ZFAND3: variants seen among roughly 807,000 people sequenced by gnomAD.
The protein encoded by ZFAND3 is AN1-type zinc finger protein 3.
A neutral mutation model predicts 29.6 loss-of-function variants in ZFAND3; 10 were observed. The observed-to-expected ratio is 0.34, with a 90% CI of 0.21 to 0.57. The LOEUF (loss-of-function observed/expected upper bound fraction) is 0.57. Ranked by LOEUF, ZFAND3 falls within the 20% of genes least tolerant of loss-of-function variation. ZFAND3 has a pLI of 0.86. For missense variants in ZFAND3, 230 were observed against 304.5 expected (o/e 0.76, Z 1.82); for synonymous variants, 128 against 112.6 (o/e 1.14, Z -0.87).
intron 1 of ZFAND3, among the ~76,000 whole-genome samples, chr6:37,844,866 T>C (rs1427571150): frequency 2.2e-5 from 3 of 137,510 alleles, no homozygotes; most frequent in Admixed American, 1.4e-4. Flanking sequence ...AAAAAAAAAA[T>C]ACAAAAAATT....
intron 4 of ZFAND3, among the ~76,000 whole-genome samples, chr6:38,102,817 C>T (rs1312264729): frequency 2.0e-5 from 3 of 152,134 alleles, no homozygotes; most frequent in African/African-American, 7.2e-5. Flanking sequence ...AATGCAGTGG[C>T]GCGATCTCGG....
intron 2 of ZFAND3, among the ~76,000 whole-genome samples, chr6:37,988,937 C>T (rs554246114): frequency 1.1e-4 from 17 of 151,664 alleles, no homozygotes; most frequent in Non-Finnish European, 2.5e-4. Flanking sequence ...CAGAGTCTTG[C>T]TCTGTCACCC....
intron 2 of ZFAND3, among the ~76,000 whole-genome samples, chr6:37,937,653 CA>C (rs71542151): frequency 0.059 from 5,023 of 85,294 alleles, 97 homozygotes; most frequent in African/African-American, 0.14. Flanking sequence ...GACTCCGTCT[CA>C]AAAAAAAAAA....
chr6:38,080,433 G>A (rs570184146), intron 3 of ZFAND3, among the ~76,000 whole-genome samples: 1 of 152,196 alleles, frequency 6.6e-6, no homozygotes, highest in Admixed American at 6.5e-5. Flanking sequence ...ATAACAGTGT[G>A]ATTCTTGATC....
intron 1 of ZFAND3, among the ~76,000 whole-genome samples, chr6:37,861,301 G>A (rs983718778): frequency 2.0e-5 from 3 of 152,054 alleles, no homozygotes; most frequent in Non-Finnish European, 2.9e-5. Context: ...TAAACAGTTT[G>A]ATTTCAAAGA....
intron 2 of ZFAND3, among the ~76,000 whole-genome samples, chr6:37,989,229 C>T (rs1762719898): frequency 6.6e-6 from 1 of 152,132 alleles, no homozygotes. Flanking sequence ...TTAAGGTATA[C>T]CAGGTACTAT....
At chr6:38,066,936 G>T (rs1363091835) in intron 3 of ZFAND3, among the ~76,000 whole-genome samples, 1 of 152,212 alleles carries the variant, frequency 6.6e-6, no homozygotes, top group Non-Finnish European at 1.5e-5. Flanking sequence ...CCCAAACTGT[G>T]TGTGTCTGCA....
At chr6:37,971,831 GAA>G (rs5875604) in intron 2 of ZFAND3, among the ~76,000 whole-genome samples, 4,222 of 117,836 alleles carry the variant, frequency 0.036, 283 homozygotes, top group East Asian at 0.31. Context: ...TGTACAAAAT[GAA>G]AAAAAAAAAA....
At chr6:37,921,266 C>A (rs1451018845) in intron 1 of ZFAND3, among the ~76,000 whole-genome samples, 1 of 152,024 alleles carries the variant, frequency 6.6e-6, no homozygotes, top group African/African-American at 2.4e-5. Flanking sequence ...GAAGAAGGAA[C>A]TTTCTTTGTA....
At chr6:38,024,948 A>G (rs992457497) in intron 2 of ZFAND3, among the ~76,000 whole-genome samples, 2 of 152,284 alleles carry the variant, frequency 1.3e-5, no homozygotes, top group East Asian at 3.9e-4. Flanking sequence ...AAAATGGTTT[A>G]TTTTATGTTC....
At chr6:38,023,703 G>A (rs1353175263) in intron 2 of ZFAND3, among the ~76,000 whole-genome samples, 1 of 152,130 alleles carries the variant, frequency 6.6e-6, no homozygotes, top group Non-Finnish European at 1.5e-5. Flanking sequence ...TCTTTTACTT[G>A]TCTGGAAAAA....
At chr6:38,037,096 C>T (rs1429399876) in intron 2 of ZFAND3, among the ~76,000 whole-genome samples, 2 of 152,176 alleles carry the variant, frequency 1.3e-5, no homozygotes, top group African/African-American at 4.8e-5. Flanking sequence ...GTCATATATC[C>T]TGCCAACTCA....
intron 4 of ZFAND3, among the ~76,000 whole-genome samples, chr6:38,105,397 C>G (rs2127479921): frequency 6.6e-6 from 1 of 152,082 alleles, no homozygotes; most frequent in East Asian, 1.9e-4. Context: ...AGAGCAAGAC[C>G]CAGTCTATTA....
chr6:38,124,628 G>A (rs1765598432), intron 5 of ZFAND3, among the ~76,000 whole-genome samples: 1 of 152,208 alleles, frequency 6.6e-6, no homozygotes, highest in Non-Finnish European at 1.5e-5. Context: ...GGCCCGCCAA[G>A]CCCATGCCCA....
At chr6:37,985,462 C>T (rs1762650398) in intron 2 of ZFAND3, among the ~76,000 whole-genome samples, 1 of 151,642 alleles carries the variant, frequency 6.6e-6, no homozygotes, top group Non-Finnish European at 1.5e-5. Flanking sequence ...ACCCTGTCTA[C>T]ACACACACAT....
In ZFAND3 at chr6:37,975,028, A is replaced by G. The variant is rs114668540; in HGVS notation, c.112+45029A>G. ...TGCAAATGAAATGGCTGATCATATC[A>G]TAGGTTGTATGTTTTAACTTTTTAA... On this transcript the variant is annotated intron_variant, in intron 2 of 5. Transcript: ENST00000287218. Among the ~76,000 whole-genome samples the G allele has an allele frequency of 1.9e-3, 294 of 152,342 alleles. 3 individuals are homozygous for G. Among genetic ancestry groups the G allele is most frequent in the African/African-American group, 6.8e-3 (284 of 41,578 alleles).
intron 2 of ZFAND3, among the ~76,000 whole-genome samples, chr6:38,054,758 A>AC (rs1208646852): frequency 1.3e-5 from 2 of 152,324 alleles, no homozygotes; most frequent in African/African-American, 4.8e-5. Context: ...TTTCATAGTA[A>AC]CCAAGTCCAT....
At position 38,139,433 on chromosome 6, in the gene ZFAND3, G is replaced by C. The variant is rs540898534; in HGVS notation, c.530-12802G>C. Among the ~76,000 whole-genome samples, 26 of 152,236 alleles carry C rather than the reference G, an allele frequency of 1.7e-4. No homozygotes were observed. The East Asian group carries it at 5.0e-3, about 29-fold the overall frequency. ...ATTAAAATTGTGACTAGTGATTGAA[G>C]GAAAAGTTCAAGATGCCTTGAAAGC... On this transcript the variant is annotated intron_variant, in intron 5 of 5. Coordinates refer to ENST00000287218, the MANE Select transcript of ZFAND3 (RefSeq NM_021943.3).
intron 2 of ZFAND3, among the ~76,000 whole-genome samples, chr6:37,953,902 T>C (rs1762042694): frequency 6.6e-6 from 1 of 152,222 alleles, no homozygotes; most frequent in African/African-American, 2.4e-5. Context: ...TTTTAACATT[T>C]CTTTTGGTAG....
Sources: allele counts gnomAD v4.1 joint callset (sites outside exome capture counted in the v4.1 genomes callset), GRCh38; gene constraint gnomAD v4.1.1; transcripts MANE v1.5; gene names NCBI Gene and HGNC (gene_info 2026-07-23, HGNC 2026-07-21).